ST8SIA6: variants seen among roughly 807,000 people sequenced by gnomAD.
ST8SIA6 encodes ST8 alpha-N-acetyl-neuraminide alpha-2,8-sialyltransferase 6.
In ST8SIA6, 39 loss-of-function variants were observed where a neutral mutation model predicts 33.6. The ratio of observed to expected loss-of-function variants is 1.16; its 90% CI spans 0.90 to 1.52. The LOEUF is 1.52. ST8SIA6 is among the 40% of genes most tolerant of loss of function. ST8SIA6 has a pLI of 0.00. For synonymous variants in ST8SIA6, 172 were observed against 167.2 expected (o/e 1.03, Z -0.22); for missense variants, 441 against 443.8 (o/e 0.99, Z 0.06).
chr10:17,346,272 G>C (rs1354301810), intron 4 of ST8SIA6, among the ~76,000 whole-genome samples: 1 of 152,208 alleles, frequency 6.6e-6, no homozygotes, highest in Non-Finnish European at 1.5e-5. Flanking sequence ...CGAGCTCTCA[G>C]ATGACTCCAG....
At position 17,315,855 on chromosome 10, in the gene ST8SIA6, T is replaced by C. The variant is rs1304941223; in HGVS notation, c.*5023A>G. Among the ~76,000 whole-genome samples, 3 of 151,996 alleles carry C rather than the reference T, an allele frequency of 2.0e-5. No individual in the cohort carries two copies. The highest frequency in any genetic ancestry group is 4.4e-5 in the Non-Finnish European group (3 of 67,916). The stretch of plus-strand genomic sequence containing the variant: ...AGAGACGGTTTCATGGGTATATGCA[T>C]GTACATAAATATGTGCCATTTATTA... On this transcript the variant is annotated 3_prime_UTR_variant, in exon 8 of 8. Coordinates refer to ENST00000377602, the MANE Select transcript of ST8SIA6 (RefSeq NM_001004470.3).
At chr10:17,452,030 T>A (rs1852931093) in intron 2 of ST8SIA6, among the ~76,000 whole-genome samples, 1 of 152,168 alleles carries the variant, frequency 6.6e-6, no homozygotes, top group African/African-American at 2.4e-5. Flanking sequence ...ATGAGTACAT[T>A]CTTTCCAACT....
chr10:17,424,845 T>C (rs1851885976), intron 2 of ST8SIA6, among the ~76,000 whole-genome samples: 1 of 151,840 alleles, frequency 6.6e-6, no homozygotes, highest in Admixed American at 6.6e-5. Context: ...GCGATTCTCA[T>C]GCCTCAGCCT....
intron 2 of ST8SIA6, 118 bp from the exon 3 acceptor site, chr10:17,390,738 C>T (rs1271395955): frequency 1.0e-5 from 7 of 695,816 alleles, no homozygotes; most frequent in South Asian, 2.4e-5. Flanking sequence ...CATCTTTACT[C>T]CATTATTGGA....
chr10:17,335,208 G>A (rs1001203370), intron 4 of ST8SIA6, among the ~76,000 whole-genome samples: 3 of 152,068 alleles, frequency 2.0e-5, no homozygotes, highest in East Asian at 3.9e-4. Flanking sequence ...TTATTTCTCC[G>A]TATTACTTAA....
chr10:17,450,135 G>T (rs60184208), intron 2 of ST8SIA6, among the ~76,000 whole-genome samples: 1 of 152,058 alleles, frequency 6.6e-6, no homozygotes, highest in Non-Finnish European at 1.5e-5. Context: ...AGCAAATGTC[G>T]CAGAGAGACA....
chr10:17,320,008 CT>C lies in ST8SIA6; in HGVS notation c.*869del, dbSNP rs1467269991. ...AATTAATGATATGCACATCTGTTTT[CT>C]CCTACAAGAGGCAATAATCCTTCTT... On this transcript the variant is annotated 3_prime_UTR_variant, in exon 8 of 8. Transcript: ENST00000377602. 6 of 152,152 alleles carry C rather than the reference CT, an allele frequency of 3.9e-5. No homozygotes were observed. Among genetic ancestry groups the C allele is most frequent in the African/African-American group, 1.4e-4 (6 of 41,446 alleles). The allele number at this position is 152,152 out of a possible 1,614,324, so 9.4% of individuals were successfully genotyped here.
intron 2 of ST8SIA6, among the ~76,000 whole-genome samples, chr10:17,429,753 A>T (rs1220014618): frequency 6.6e-5 from 10 of 152,112 alleles, no homozygotes; most frequent in Admixed American, 5.9e-4. Flanking sequence ...CCAGAGTGTC[A>T]GGATTACAGG....
intron 7 of ST8SIA6, among the ~76,000 whole-genome samples, chr10:17,321,572 C>G (rs377090012): frequency 2.6e-5 from 4 of 152,160 alleles, no homozygotes; most frequent in South Asian, 2.1e-4. Context: ...TCAATTTCTA[C>G]TTTCTTACTG....
Position 17,318,310 on chromosome 10 carries a change from G to A in ST8SIA6, c.*2568C>T, listed in dbSNP as rs1847839728. The A allele has an allele frequency of 4.7e-6, 1 of 214,280 alleles. No individual in the cohort carries two copies. 13.3% of individuals were successfully genotyped at this position (214,280 alleles called of 1,614,324 possible). A position where few individuals can be genotyped will look rare whatever the true frequency, so the allele number is the denominator to read the frequency against. ...AGCTCACTGCAGCCTCTACCTCCTG[G>A]GCTCCAGTGAACCTCCCTCCTTAGC... On this transcript the variant is annotated 3_prime_UTR_variant, in exon 8 of 8. Coordinates refer to ENST00000377602, the MANE Select transcript of ST8SIA6 (RefSeq NM_001004470.3).
At chr10:17,322,109 A>C (rs1342910463) in intron 7 of ST8SIA6, among the ~76,000 whole-genome samples, 1 of 150,834 alleles carries the variant, frequency 6.6e-6, no homozygotes, top group African/African-American at 2.4e-5. Context: ...AGAGAGAGAG[A>C]GAGAGAGAGA....
rs991735192 is a variant in ST8SIA6, at chr10:17,318,359, G to A, written c.*2519C>T. 37 of 256,162 alleles carry A rather than the reference G, an allele frequency of 1.4e-4. No individual in the cohort carries two copies. Among genetic ancestry groups the A allele is most frequent in the African/African-American group, 7.9e-4 (35 of 44,280 alleles). 15.9% of individuals were successfully genotyped at this position (256,162 alleles called of 1,614,324 possible). On this transcript the variant is annotated 3_prime_UTR_variant, in exon 8 of 8. Coordinates refer to ENST00000377602, the MANE Select transcript of ST8SIA6 (RefSeq NM_001004470.3). ...GCCTCCCAAGTAGCTGGGACCACAGGTGCACGCCACTATGCTCAGCTAATT... is the reference window on the plus strand; with the variant it reads ...GCCTCCCAAGTAGCTGGGACCACAGATGCACGCCACTATGCTCAGCTAATT...
rs760042660 is a variant in ST8SIA6 at position 17,369,092 on chromosome 10, G to A, written c.291-9492C>T. Among the ~76,000 whole-genome samples, 67 of 152,188 alleles carry A rather than the reference G, an allele frequency of 4.4e-4. 1 individual carries two copies. The highest frequency in any genetic ancestry group is 3.9e-3 in the Admixed American group (60 of 15,278). On this transcript the variant is annotated intron_variant, in intron 3 of 7. Transcript: ENST00000377602. ...TAAAAGTTTTTAGTAGCTTGATTGC[G>A]ACATAATTTGTATGCCACACAATTC... is the stretch of plus-strand genomic sequence containing the variant.
intron 4 of ST8SIA6, among the ~76,000 whole-genome samples, chr10:17,339,274 C>T (rs1040255143): frequency 2.6e-5 from 4 of 152,166 alleles, no homozygotes; most frequent in African/African-American, 9.6e-5. Flanking sequence ...TTACAGTTCA[C>T]AGACCGAGGC....
intron 2 of ST8SIA6, among the ~76,000 whole-genome samples, chr10:17,400,763 A>G (rs1851008475): frequency 6.6e-6 from 1 of 152,230 alleles, no homozygotes; most frequent in Non-Finnish European, 1.5e-5. Context: ...TAAATTAGGT[A>G]TAGATGGGAC....
intron 2 of ST8SIA6, among the ~76,000 whole-genome samples, chr10:17,429,068 A>C (rs371014655): frequency 3.3e-5 from 5 of 151,068 alleles, no homozygotes; most frequent in African/African-American, 4.9e-5. Flanking sequence ...TTCATTTAAC[A>C]TCTTGTGTTT....
chr10:17,444,011 C>T (rs1852606847), intron 2 of ST8SIA6, among the ~76,000 whole-genome samples: 1 of 152,164 alleles, frequency 6.6e-6, no homozygotes, highest in South Asian at 2.1e-4. Context: ...TTTCATATCC[C>T]TTCTGCTGTA....
chr10:17,350,629 G>C lies in ST8SIA6; in HGVS notation c.377+8885C>G, dbSNP rs192486795. Reference sequence around the variant, plus strand: ...CCCCAATAGATTGGAGGAAAATTAAGAGCTTCAAATAGACACCACCTTTTT... The same window carrying C: ...CCCCAATAGATTGGAGGAAAATTAACAGCTTCAAATAGACACCACCTTTTT... On this transcript the variant is annotated intron_variant, in intron 4 of 7. Transcript: ENST00000377602. 2.7e-5 allele frequency among the ~76,000 whole-genome samples: 4 copies of C among 150,918 alleles called. No individual in the cohort carries two copies. The East Asian group carries it at 7.9e-4, about 30-fold the overall frequency.
Position 17,359,577 on chromosome 10 carries a change from T to C in ST8SIA6, c.314A>G (p.Gln105Arg), listed in dbSNP as rs536456856. ...ACAACTCTGTATATCTGTGATAATC[T>C]GAAGGTAGTCGTTCTCTGAATACCT... The part of the protein sequence containing the change: ...TKGYSENDYL[Q>R]IITDIQSCPW... Residue 105 changes from glutamine to arginine, a missense_variant, in exon 4 of 8, where the codon CAG becomes CGG. Physicochemically the swap from Gln to Arg is conservative, Grantham distance 43. Transcript: ENST00000377602. 1.7e-5 allele frequency: 28 copies of C among 1,605,670 alleles called. No individual in the cohort carries two copies. The African/African-American group carries it at 3.3e-4, about 19-fold the overall frequency.
Sources: gnomAD v4.1 joint callset for allele counts (sites outside exome capture counted in the v4.1 genomes callset) on GRCh38, gnomAD v4.1.1 for gene constraint, MANE v1.5 for transcripts, NCBI Gene and HGNC (gene_info 2026-07-23, HGNC 2026-07-21) for gene names.